PDZD2: variants seen among roughly 807,000 people sequenced by gnomAD.
PDZD2 encodes PDZ domain containing 2.
In PDZD2, 90 loss-of-function variants were observed where a neutral mutation model predicts 220.7. The ratio of observed to expected loss-of-function variants is 0.41; its 90% CI spans 0.34 to 0.49. The LOEUF is 0.49. PDZD2 is among the 20% of genes least tolerant of loss of function. PDZD2 has a pLI of 0.28. For missense variants in PDZD2, 3,174 were observed against 3,608.5 expected, an observed-to-expected ratio of 0.88 and a Z score of 3.08; for synonymous variants, 1,375 against 1,450.5, an observed-to-expected ratio of 0.95 and a Z score of 1.18.
intron 3 of PDZD2, among the ~76,000 whole-genome samples, chr5:31,984,537 T>A (rs17510653): frequency 0.4 from 61,189 of 151,722 alleles, 12,702 homozygotes; most frequent in Non-Finnish European, 0.46. Context: ...AAGATCAAAA[T>A]GGGCGTAGGA....
At chr5:31,853,350 C>A (rs996061428) in intron 2 of PDZD2, among the ~76,000 whole-genome samples, 1 of 152,172 alleles carries the variant, frequency 6.6e-6, no homozygotes. Flanking sequence ...TTGTTGGTTG[C>A]AGTACCCAAA....
chr5:31,683,778 G>A (rs80120535), intron 1 of PDZD2, among the ~76,000 whole-genome samples: 1,672 of 152,168 alleles, frequency 0.011, 18 homozygotes, highest in Non-Finnish European at 0.018. Flanking sequence ...GGACATCCTT[G>A]TACCTACATC....
At chr5:31,752,073 G>GTTTTGTTTTTTTTT (rs1751018299) in intron 1 of PDZD2, among the ~76,000 whole-genome samples, 10 of 95,066 alleles carry the variant, frequency 1.1e-4, no homozygotes, top group African/African-American at 4.2e-4. Flanking sequence ...TTTTGGGTTT[G>GTTTTGTTTTTTTTT]TTTTTTTTTT....
At chr5:31,911,235 T>G (rs1743176209) in intron 2 of PDZD2, among the ~76,000 whole-genome samples, 1 of 152,242 alleles carries the variant, frequency 6.6e-6, no homozygotes, top group South Asian at 2.1e-4. Context: ...CTAGGCACTG[T>G]ACTAGGCTGT....
At chr5:31,901,389 G>C (rs550044311) in intron 2 of PDZD2, among the ~76,000 whole-genome samples, 80 of 149,374 alleles carry the variant, frequency 5.4e-4, no homozygotes, top group African/African-American at 1.8e-3. Context: ...CTGCACTCCA[G>C]CCTGGGTGAC....
At chr5:31,932,916 T>C (rs1336368895) in intron 2 of PDZD2, among the ~76,000 whole-genome samples, 1 of 152,070 alleles carries the variant, frequency 6.6e-6, no homozygotes, top group African/African-American at 2.4e-5. Flanking sequence ...TTTTTTTTTT[T>C]TTCTTGTTTT....
intron 8 of PDZD2, 175 bp from the exon 9 acceptor site, chr5:32,052,436 G>A: frequency 1.7e-6 from 1 of 577,872 alleles, no homozygotes; most frequent in Non-Finnish European, 3.1e-6. Context: ...ATGAGCCACG[G>A]TGCCCAGCAC....
chr5:31,934,224 T>C (rs561688019), intron 2 of PDZD2, among the ~76,000 whole-genome samples: 1 of 151,966 alleles, frequency 6.6e-6, no homozygotes, highest in Non-Finnish European at 1.5e-5. Context: ...AAAAAAAAGC[T>C]AAAGAGCAGA....
At chr5:31,922,524 A>T (rs1304534399) in intron 2 of PDZD2, among the ~76,000 whole-genome samples, 1 of 152,172 alleles carries the variant, frequency 6.6e-6, no homozygotes, top group Non-Finnish European at 1.5e-5. Context: ...TAAATTTTTA[A>T]AACTGAGCAT....
At chr5:31,855,056 C>A (rs1230685436) in intron 2 of PDZD2, 1 of 985,212 alleles carries the variant, frequency 1.0e-6, no homozygotes, top group Non-Finnish European at 1.2e-6. Flanking sequence ...TGAGCTGCCC[C>A]GGGGGCGCGG....
chr5:32,005,872 G>A (rs1465979488), intron 5 of PDZD2, among the ~76,000 whole-genome samples: 1 of 152,162 alleles, frequency 6.6e-6, no homozygotes, highest in Non-Finnish European at 1.5e-5. Flanking sequence ...AAGGGGGCAG[G>A]TGCAGTGGCT....
chr5:32,020,442 T>C (rs1449999899), intron 6 of PDZD2, among the ~76,000 whole-genome samples: 1 of 152,204 alleles, frequency 6.6e-6, no homozygotes, highest in Non-Finnish European at 1.5e-5. Context: ...CATTTTTGCA[T>C]CATGTATCTC....
intron 1 of PDZD2, among the ~76,000 whole-genome samples, chr5:31,729,495 G>A (rs1749386379): frequency 6.6e-6 from 1 of 152,206 alleles, no homozygotes; most frequent in Non-Finnish European, 1.5e-5. Flanking sequence ...GAAAGACTTA[G>A]TATGTTGCTC....
At chr5:31,788,142 G>A (rs538095723) in intron 1 of PDZD2, among the ~76,000 whole-genome samples, 115 of 152,206 alleles carry the variant, frequency 7.6e-4, no homozygotes, top group Middle Eastern at 6.8e-3. Flanking sequence ...AGGCCAAGGC[G>A]GGTGGATCAC....
intron 2 of PDZD2, among the ~76,000 whole-genome samples, chr5:31,858,277 T>TA (rs113883790): frequency 0.18 from 27,812 of 150,634 alleles, 2,773 homozygotes; most frequent in East Asian, 0.45. Flanking sequence ...TCCTAGAGTT[T>TA]AAAAACAAAA....
chr5:31,972,974 T>C (rs563558482), intron 2 of PDZD2, among the ~76,000 whole-genome samples: 2 of 152,348 alleles, frequency 1.3e-5, no homozygotes, highest in African/African-American at 4.8e-5. Context: ...CACTGGCAAA[T>C]AGAAGCCTAG....
chr5:32,089,511 G>T lies in PDZD2; in HGVS notation c.6063G>T (p.Lys2021Asn). 1.2e-6 allele frequency: 2 copies of T among 1,612,876 alleles called. No homozygotes were observed. The highest frequency in any genetic ancestry group is 1.7e-6 in the Non-Finnish European group (2 of 1,180,010). Residue 2021 changes from lysine (K) to asparagine (N), a missense_variant, in exon 20 of 25, where the codon AAG becomes AAT. This residue lies in a region of PDZD2 where 1,861 missense variants were observed against 2,001.0 expected (regional missense o/e 0.93). Transcript: ENST00000438447. The stretch of plus-strand genomic sequence containing the variant: ...GCCCAACCACCCCTAAATCTCCTAA[G>T]TGTAGAGCAGAGGGCAGGGCGCCCC... ...RGCPTTPKSPKCRAEGRAPRA... is the reference protein window; with the variant it reads ...RGCPTTPKSPNCRAEGRAPRA...
chr5:32,030,791 G>A (rs936674601), intron 6 of PDZD2, among the ~76,000 whole-genome samples: 1 of 152,134 alleles, frequency 6.6e-6, no homozygotes, highest in Non-Finnish European at 1.5e-5. Flanking sequence ...CCAGCATCAA[G>A]TTCTAGCCTA....
At chr5:31,702,777 G>C (rs1232654957) in intron 1 of PDZD2, among the ~76,000 whole-genome samples, 1 of 152,184 alleles carries the variant, frequency 6.6e-6, no homozygotes, top group African/African-American at 2.4e-5. Flanking sequence ...GAATGAGTGT[G>C]TTCCCTGGTT....
Sources: gnomAD v4.1 joint callset for allele counts (sites outside exome capture counted in the v4.1 genomes callset) on GRCh38, gnomAD v4.1.1 for gene constraint, gnomAD v4.1.1 regional missense constraint, MANE v1.5 for transcripts, NCBI Gene and HGNC (gene_info 2026-07-23, HGNC 2026-07-21) for gene names.